The following REEP5 variants were observed in gnomAD, a reference collection of about 807,000 sequenced individuals.
The protein encoded by REEP5 is receptor accessory protein 5, also known as receptor expression-enhancing protein 5.
In REEP5, 24 loss-of-function variants were observed where a neutral mutation model predicts 22.4. The observed-to-expected ratio is 1.07, with a 90% CI of 0.78 to 1.51. The LOEUF (loss-of-function observed/expected upper bound fraction) is 1.51. Ranked by LOEUF, REEP5 falls within the 40% of genes most tolerant of loss-of-function variation. The pLI, the probability that REEP5 is intolerant of heterozygous loss-of-function variation, is 0.00. For missense variants in REEP5, 252 were observed against 233.0 expected (o/e 1.08, Z -0.53); for synonymous variants, 103 against 88.6 (o/e 1.16, Z -0.92).
chr5:112,887,258 A>G (rs1768284760), intron 3 of REEP5, 75 bp from the exon 4 acceptor site: 8 of 1,338,812 alleles, frequency 6.0e-6, no homozygotes, highest in African/African-American at 1.4e-5. Context: ...ACTGTCTTTC[A>G]CTACTCTGGG....
chr5:112,889,858 G>A (rs1051742091), intron 3 of REEP5, among the ~76,000 whole-genome samples: 1 of 141,452 alleles, frequency 7.1e-6, no homozygotes, highest in African/African-American at 2.7e-5. Flanking sequence ...ACTGATTCTT[G>A]CTCTCTTACC....
rs1561643422 is a variant in REEP5, at chr5:112,876,439, A to G, written c.*2347T>C. The G allele has an allele frequency of 6.6e-6, 1 of 152,234 alleles. No individual in the cohort carries two copies. The highest frequency in any genetic ancestry group is 1.5e-5 in the Non-Finnish European group (1 of 68,036). 9.4% of individuals were successfully genotyped at this position (152,234 alleles called of 1,614,324 possible). A position where few individuals can be genotyped will look rare whatever the true frequency, so the allele number is the denominator to read the frequency against. On this transcript the variant is annotated 3_prime_UTR_variant, in exon 5 of 5. Transcript: ENST00000379638. ...TATTTATTTCCATTCAGTGTATCAC[A>G]TCTTCAGGATAGGTGATAACAGTGT...
chr5:112,882,034 A>C (rs1768092835), intron 4 of REEP5: 1 of 153,580 alleles, frequency 6.5e-6, no homozygotes, highest in Admixed American at 6.5e-5. Flanking sequence ...GACCTCTGGA[A>C]GTGCTGTGAT....
At chr5:112,891,742 A>T in intron 3 of REEP5, 1 of 1,614,184 alleles carries the variant, frequency 6.2e-7, no homozygotes, top group Non-Finnish European at 8.5e-7. Context: ...GAAACGAAAG[A>T]AACGTCGGCA....
Position 112,886,943 on chromosome 5 carries a change from G to GGC in REEP5, c.520+71_520+72insGC, listed in dbSNP as rs768701563. The GGC allele has an allele frequency of 4.0e-5, 46 of 1,161,822 alleles. 1 individual carries two copies. The highest frequency in any genetic ancestry group is 5.4e-5 in the Non-Finnish European group (44 of 819,790). The allele number at this position is 1,161,822 out of a possible 1,614,324, so 72.0% of individuals were successfully genotyped here. ...GGTGGTGATAAGACAAGAAGGCCAG[G>GGC]AAGCCTGTTATTTGAGCCCAGTGTG... On this transcript the variant is annotated intron_variant, in intron 4 of 4. Transcript: ENST00000379638.
intron 2 of REEP5, among the ~76,000 whole-genome samples, chr5:112,911,316 A>T (rs1041793441): frequency 6.6e-6 from 1 of 152,188 alleles, no homozygotes; most frequent in Admixed American, 6.5e-5. Context: ...GCCACTGTAA[A>T]TGGCTGCAGC....
chr5:112,892,215 T>A (rs768370547), intron 3 of REEP5: 2 of 1,614,062 alleles, frequency 1.2e-6, no homozygotes, highest in Non-Finnish European at 1.7e-6. Context: ...GAGACAGATG[T>A]TCACGTAAAC....
Position 112,876,390 on chromosome 5 carries a change from T to TGAG in REEP5, c.*2393_*2395dup, listed in dbSNP as rs1284611809. The stretch of plus-strand genomic sequence containing the variant: ...AATAAAATGAAATATAACAGTTAAA[T>TGAG]GAGAACTCAATTTTATTTACATCTA... On this transcript the variant is annotated 3_prime_UTR_variant, in exon 5 of 5. Coordinates refer to ENST00000379638, the MANE Select transcript of REEP5 (RefSeq NM_005669.5). 1 of 152,222 alleles carries TGAG rather than the reference T, an allele frequency of 6.6e-6. No individual in the cohort carries two copies. The highest frequency in any genetic ancestry group is 1.5e-5 in the Non-Finnish European group (1 of 68,030). 9.4% of individuals were successfully genotyped at this position (152,222 alleles called of 1,614,324 possible).
In REEP5 at chr5:112,885,704, C is replaced by T. The variant is rs140110988; in HGVS notation, c.520+1311G>A. The T allele has an allele frequency of 1.1e-3, 345 of 306,900 alleles. 1 individual carries two copies. The highest frequency in any genetic ancestry group is 7.0e-3 in the Middle Eastern group (14 of 1,988). 19.0% of individuals were successfully genotyped at this position (306,900 alleles called of 1,614,324 possible). On this transcript the variant is annotated intron_variant, in intron 4 of 4. Transcript: ENST00000379638. Reference sequence around the variant, plus strand: ...TCCTAACCAGCCTCCCTTTCTCTGTCAGTGGGGACATTATCAGCCAAGCTT... The same window carrying T: ...TCCTAACCAGCCTCCCTTTCTCTGTTAGTGGGGACATTATCAGCCAAGCTT...
Position 112,876,501 on chromosome 5 carries a change from G to T in REEP5, c.*2285C>A, listed in dbSNP as rs184745431. 4 of 152,304 alleles carry T rather than the reference G, an allele frequency of 2.6e-5. No homozygotes were observed. The highest frequency in any genetic ancestry group is 1.3e-4 in the Admixed American group (2 of 15,284). 9.4% of individuals were successfully genotyped at this position (152,304 alleles called of 1,614,324 possible). On this transcript the variant is annotated 3_prime_UTR_variant, in exon 5 of 5. Transcript: ENST00000379638. ...TCATTTTCTTCAGCTGTGAGTAGAG[G>T]AGTCTTCCCGAGAGTAGCAGTTGTT...
chr5:112,891,592 T>G, intron 3 of REEP5: 1 of 1,557,538 alleles, frequency 6.4e-7, no homozygotes, highest in Non-Finnish European at 8.7e-7. Flanking sequence ...ATCTTCCATA[T>G]ATTCCCATAG....
At chr5:112,921,993 C>T (rs899261514) in intron 1 of REEP5, 80 bp downstream of exon 1, 2 of 1,500,688 alleles carry the variant, frequency 1.3e-6, no homozygotes. Flanking sequence ...CCCGAGTCCT[C>T]TCCCTGCTTC....
At chr5:112,901,665 T>C (rs576143571) in intron 3 of REEP5, among the ~76,000 whole-genome samples, 31 of 150,748 alleles carry the variant, frequency 2.1e-4, no homozygotes, top group Admixed American at 1.8e-3. Flanking sequence ...TGAGCGGAGA[T>C]TGTACCATGG....
At chr5:112,917,425 G>A (rs1769255848) in intron 2 of REEP5, among the ~76,000 whole-genome samples, 2 of 152,150 alleles carry the variant, frequency 1.3e-5, no homozygotes, top group South Asian at 4.1e-4. Flanking sequence ...GTCCCAGGAA[G>A]GTGGCAGCCC....
At chr5:112,916,435 G>C (rs1471941933) in intron 2 of REEP5, among the ~76,000 whole-genome samples, 2 of 152,158 alleles carry the variant, frequency 1.3e-5, no homozygotes, top group African/African-American at 2.4e-5. Context: ...TAGTAAAACA[G>C]AGCAAGCCTC....
At chr5:112,886,706 C>T (rs1768258806) in intron 4 of REEP5, among the ~76,000 whole-genome samples, 1 of 152,112 alleles carries the variant, frequency 6.6e-6, no homozygotes, top group African/African-American at 2.4e-5. Flanking sequence ...ATTAAATAAA[C>T]AATTAGAAGA....
intron 3 of REEP5, 41 bp from the exon 4 acceptor site, chr5:112,887,224 A>T: frequency 6.7e-7 from 1 of 1,502,612 alleles, no homozygotes; most frequent in Non-Finnish European, 9.0e-7. Context: ...AGGAGGGTGG[A>T]GGGGGCACAT....
rs950660142 is a variant in REEP5 at position 112,876,781 on chromosome 5, C to T, written c.*2005G>A. On this transcript the variant is annotated 3_prime_UTR_variant, in exon 5 of 5. Transcript: ENST00000379638. ...ACTTCTCCTGCTGTTAACATTTACA[C>T]TTAGACTGCCAGCAACAGTTAACTT... The T allele has an allele frequency of 1.3e-5, 2 of 152,146 alleles. No homozygotes were observed. Among genetic ancestry groups the T allele is most frequent in the African/African-American group, 2.4e-5 (1 of 41,440 alleles). The allele number at this position is 152,146 out of a possible 1,614,324, so 9.4% of individuals were successfully genotyped here. A position where few individuals can be genotyped will look rare whatever the true frequency, so the allele number is the denominator to read the frequency against.
At chr5:112,881,868 G>A (rs1768085416) in intron 4 of REEP5, 2 of 151,890 alleles carry the variant, frequency 1.3e-5, no homozygotes, top group African/African-American at 4.8e-5. Flanking sequence ...AGGCTCAGGT[G>A]ATCCTCCCAT....
Sources: allele counts gnomAD v4.1 joint callset (sites outside exome capture counted in the v4.1 genomes callset), GRCh38; gene constraint gnomAD v4.1.1; transcripts MANE v1.5; gene names NCBI Gene and HGNC (gene_info 2026-07-23, HGNC 2026-07-21).